Variants in CDK5RAP2 observed in about 807,000 individuals in gnomAD.
CDK5RAP2 encodes the protein CDK5 regulatory subunit-associated protein 2.
A neutral mutation model predicts 232.9 loss-of-function variants in CDK5RAP2; 147 were observed. The observed-to-expected ratio is 0.63, with a 90% CI of 0.55 to 0.72. CDK5RAP2 has a LOEUF of 0.72. Among genes scored for constraint, CDK5RAP2 ranks in the 30% least tolerant of loss-of-function variants. CDK5RAP2 has a pLI of 0.00. For missense variants in CDK5RAP2, 2,195 were observed against 2,231.5 expected (o/e 0.98, Z 0.33); for synonymous variants, 833 against 833.7 (o/e 1.00, Z 0.01).
At chr9:120,483,545 T>C (rs1382504680) in intron 14 of CDK5RAP2, among the ~76,000 whole-genome samples, 1 of 152,244 alleles carries the variant, frequency 6.6e-6, no homozygotes, top group Non-Finnish European at 1.5e-5. Flanking sequence ...ATATTCCCTT[T>C]CATGGTGGTT....
chr9:120,576,960 C>A (rs1242323664), intron 1 of CDK5RAP2, among the ~76,000 whole-genome samples: 2 of 152,138 alleles, frequency 1.3e-5, no homozygotes, highest in Non-Finnish European at 2.9e-5. Flanking sequence ...CTGACACATA[C>A]TACAACACGC....
chr9:120,440,383 C>A (rs926782688), intron 23 of CDK5RAP2: 2 of 270,562 alleles, frequency 7.4e-6, no homozygotes, highest in Non-Finnish European at 1.4e-5. Flanking sequence ...CCATGATTCC[C>A]TGCACATTGC....
At chr9:120,528,949 C>A in intron 8 of CDK5RAP2, 152 bp from the exon 9 acceptor site, 1 of 669,712 alleles carries the variant, frequency 1.5e-6, no homozygotes, top group Non-Finnish European at 2.7e-6. Flanking sequence ...CTCTCCACCC[C>A]ACCCAAAGCC....
intron 4 of CDK5RAP2, 103 bp from the exon 5 acceptor site, chr9:120,545,893 C>CT: frequency 1.1e-6 from 1 of 890,114 alleles, no homozygotes; most frequent in East Asian, 2.5e-5. Flanking sequence ...CTACAGGATG[C>CT]TTGTAATAGG....
chr9:120,510,998 C>T (rs537861903), intron 12 of CDK5RAP2, among the ~76,000 whole-genome samples: 153 of 152,214 alleles, frequency 1.0e-3, no homozygotes, highest in Middle Eastern at 3.4e-3. Flanking sequence ...CTGAGTCAAC[C>T]GGCACTAGGT....
In CDK5RAP2 at chr9:120,539,101, A is replaced by G. The variant is rs1216653374; in HGVS notation, c.447T>C (p.Ala149=). 1.9e-6 allele frequency: 3 copies of G among 1,613,948 alleles called. No homozygotes were observed. In the South Asian group the frequency reaches 3.3e-5, roughly 18 times the overall value. The change falls in exon 6 of 38, where the codon GCT becomes GCC. Residue 149 remains alanine, a synonymous_variant. Transcript: ENST00000349780. ...CTTCCACCTGCTGCACCTTCTTTCG[A>G]GCATCTTCTTTCACCCGCTGGATTT... is the stretch of plus-strand genomic sequence containing the variant. ...GSEIQRVKED[A]RKKVQQVEDL...
intron 1 of CDK5RAP2, among the ~76,000 whole-genome samples, chr9:120,573,573 A>C (rs1332436369): frequency 6.6e-6 from 1 of 152,048 alleles, no homozygotes; most frequent in Non-Finnish European, 1.5e-5. Context: ...TTTAAAAAAA[A>C]AAGTGTCCCC....
intron 20 of CDK5RAP2, 132 bp downstream of exon 20, chr9:120,458,318 A>G: frequency 2.3e-6 from 2 of 869,868 alleles, no homozygotes; most frequent in Non-Finnish European, 3.7e-6. Context: ...GACTGGCAAG[A>G]TTCCTTCCAA....
intron 1 of CDK5RAP2, among the ~76,000 whole-genome samples, chr9:120,574,965 AG>A: frequency 6.6e-6 from 1 of 152,022 alleles, no homozygotes; most frequent in African/African-American, 2.4e-5. Context: ...TGGGGGTGGC[AG>A]GGGTGTGGTG....
chr9:120,458,012 T>A (rs1489208621), intron 20 of CDK5RAP2, among the ~76,000 whole-genome samples: 1 of 152,220 alleles, frequency 6.6e-6, no homozygotes. Flanking sequence ...CAACCTGTAG[T>A]ATCTCCTCAC....
At chr9:120,429,006 C>T (rs1272054471) in intron 25 of CDK5RAP2, among the ~76,000 whole-genome samples, 6 of 152,114 alleles carry the variant, frequency 3.9e-5, no homozygotes, top group South Asian at 2.1e-4. Context: ...AAGACAAAAA[C>T]CACATGATTA....
rs1298675220 is a variant in CDK5RAP2, at chr9:120,401,002, G to T, written c.5308-117C>A. On this transcript the variant is annotated intron_variant, in intron 34 of 37. Coordinates refer to ENST00000349780, the MANE Select transcript of CDK5RAP2 (RefSeq NM_018249.6). The stretch of plus-strand genomic sequence containing the variant: ...AGGGCTTCTGTTTCACACGCTGAGC[G>T]AAAGCCTGGTACCACATAACACCAA... The T allele has an allele frequency of 2.7e-6, 3 of 1,104,214 alleles. No homozygotes were observed. In the African/African-American group the frequency reaches 4.7e-5, roughly 17 times the overall value. 68.4% of individuals were successfully genotyped at this position (1,104,214 alleles called of 1,614,324 possible). A position where few individuals can be genotyped will look rare whatever the true frequency, so the allele number is the denominator to read the frequency against.
intron 13 of CDK5RAP2, 134 bp downstream of exon 13, chr9:120,491,173 C>T: frequency 1.4e-6 from 1 of 735,870 alleles, no homozygotes; most frequent in South Asian, 1.7e-5. Context: ...GCCCAAATGA[C>T]ATAATTAAAG....
chr9:120,389,336 A>T, intron 37 of CDK5RAP2, 44 bp from the exon 38 acceptor site: 1 of 1,519,672 alleles, frequency 6.6e-7, no homozygotes. Flanking sequence ...AGTCCAAAGG[A>T]GGTTTCTGAA....
chr9:120,530,913 A>G (rs983460239), intron 7 of CDK5RAP2, among the ~76,000 whole-genome samples: 2 of 149,216 alleles, frequency 1.3e-5, no homozygotes, highest in Admixed American at 6.7e-5. Context: ...TGTAAATGAC[A>G]AGTTAATGGG....
intron 3 of CDK5RAP2, among the ~76,000 whole-genome samples, chr9:120,559,219 T>C (rs748680670): frequency 4.6e-5 from 7 of 152,166 alleles, no homozygotes; most frequent in Non-Finnish European, 1.0e-4. Flanking sequence ...CCGGGCACGG[T>C]GGCTCACGCC....
chr9:120,422,733 C>T lies in CDK5RAP2; in HGVS notation c.3964G>A (p.Val1322Ile), dbSNP rs764196113. 6.8e-6 allele frequency: 11 copies of T among 1,612,384 alleles called. No homozygotes were observed. In the South Asian group the frequency reaches 1.1e-4, roughly 16 times the overall value. Reference protein sequence around the residue: ...LEKLFLNGKSVGVEMNTQNEL... With the variant: ...LEKLFLNGKSIGVEMNTQNEL... ...TTCTGGGTGTTCATTTCCACTCCAA[C>T]TGATTTTCCTGGAAGCAGAAATAAC... Residue 1322 changes from valine to isoleucine, a missense_variant, in exon 26 of 38, where the codon GTT becomes ATT. Coordinates refer to ENST00000349780, the MANE Select transcript of CDK5RAP2 (RefSeq NM_018249.6).
chr9:120,548,137 A>G (rs2041917599), intron 4 of CDK5RAP2, among the ~76,000 whole-genome samples: 2 of 152,252 alleles, frequency 1.3e-5, no homozygotes, highest in Non-Finnish European at 2.9e-5. Flanking sequence ...TAAAGAAGTC[A>G]TCTATGAGGC....
intron 1 of CDK5RAP2, among the ~76,000 whole-genome samples, chr9:120,575,026 C>T (rs1161694665): frequency 1.3e-5 from 2 of 151,960 alleles, no homozygotes; most frequent in Non-Finnish European, 2.9e-5. Flanking sequence ...TCACTCAGCA[C>T]AGGGCACAGC....
Sources: allele counts gnomAD v4.1 joint callset (sites outside exome capture counted in the v4.1 genomes callset), GRCh38; gene constraint gnomAD v4.1.1; transcripts MANE v1.5; gene names NCBI Gene and HGNC (gene_info 2026-07-23, HGNC 2026-07-21).